MFAP3: variants seen among roughly 807,000 people sequenced by gnomAD.
MFAP3 encodes microfibril associated protein 3.
In MFAP3, 8 loss-of-function variants were observed where a neutral mutation model predicts 20.5. The ratio of observed to expected loss-of-function variants is 0.39; its 90% confidence interval spans 0.23 to 0.70. The LOEUF (loss-of-function observed/expected upper bound fraction) is 0.70, where lower values mean the gene tolerates loss of function less well. Among genes scored for constraint, MFAP3 ranks in the 30% least tolerant of loss-of-function variants. MFAP3 has a pLI of 0.44. For missense variants in MFAP3, 398 were observed against 444.6 expected (o/e 0.90, Z 0.94); for synonymous variants, 140 against 154.0 (o/e 0.91, Z 0.67).
At chr5:154,040,024 G>A (rs1481873819) in intron 1 of MFAP3, among the ~76,000 whole-genome samples, 1 of 152,076 alleles carries the variant, frequency 6.6e-6, no homozygotes, top group Non-Finnish European at 1.5e-5. Flanking sequence ...AATATAAAAT[G>A]GATCATTTCC....
intron 1 of MFAP3, among the ~76,000 whole-genome samples, chr5:154,042,371 C>G (rs1426365962): frequency 1.3e-5 from 2 of 152,166 alleles, no homozygotes; most frequent in Non-Finnish European, 2.9e-5. Context: ...CTGATAAATA[C>G]AGACGATGTT....
chr5:154,045,374 A>G (rs1205692251), intron 1 of MFAP3, among the ~76,000 whole-genome samples: 4 of 152,168 alleles, frequency 2.6e-5, no homozygotes, highest in East Asian at 1.9e-4. Flanking sequence ...TACAATGCCT[A>G]TATGCTCCAT....
chr5:154,053,932 T>C lies in MFAP3; in HGVS notation c.*219T>C, dbSNP rs1773268549. On this transcript the variant is annotated 3_prime_UTR_variant, in exon 3 of 3. Coordinates refer to ENST00000522782, the MANE Select transcript of MFAP3 (RefSeq NM_005927.5). Reference sequence around the variant, plus strand: ...TTTTCCTTAGAGCTTTATTAAATTATGCATGCTAAGATTTAAAGGAGCCCC... The same window carrying C: ...TTTTCCTTAGAGCTTTATTAAATTACGCATGCTAAGATTTAAAGGAGCCCC... 1 of 507,228 alleles carries C rather than the reference T, an allele frequency of 2.0e-6. No individual in the cohort carries two copies. Among genetic ancestry groups the C allele is most frequent in the Admixed American group, 3.5e-5 (1 of 28,208 alleles). 31.4% of individuals were successfully genotyped at this position (507,228 alleles called of 1,614,324 possible).
intron 1 of MFAP3, among the ~76,000 whole-genome samples, chr5:154,045,356 GCT>G (rs1773051969): frequency 6.6e-6 from 1 of 152,100 alleles, no homozygotes; most frequent in Non-Finnish European, 1.5e-5. Flanking sequence ...TGGGATCCAA[GCT>G]CAGTTTACAA....
At chr5:154,050,603 T>A (rs1175808248) in intron 2 of MFAP3, among the ~76,000 whole-genome samples, 1 of 138,326 alleles carries the variant, frequency 7.2e-6, no homozygotes, top group Non-Finnish European at 1.5e-5. Context: ...TGTAAGCCCT[T>A]CCAGCTCTTT....
intron 1 of MFAP3, among the ~76,000 whole-genome samples, chr5:154,048,706 CTCT>C (rs1773116309): frequency 6.6e-6 from 1 of 152,076 alleles, no homozygotes; most frequent in African/African-American, 2.4e-5. Flanking sequence ...AGATATTTTG[CTCT>C]TCTTTTAAAT....
chr5:154,043,697 G>A (rs1448576485), intron 1 of MFAP3, among the ~76,000 whole-genome samples: 1 of 151,552 alleles, frequency 6.6e-6, no homozygotes, highest in Non-Finnish European at 1.5e-5. Flanking sequence ...GGTTTCAAAT[G>A]TCAGCTGCTA....
chr5:154,047,736 G>C (rs816035), intron 1 of MFAP3, among the ~76,000 whole-genome samples: 64,699 of 152,030 alleles, frequency 0.43, 14,458 homozygotes, highest in East Asian at 0.69. Context: ...ACGATAATTT[G>C]GTTCATGGAT....
rs368265553 is a variant in MFAP3 at position 154,051,947 on chromosome 5, A to C, written c.296-973A>C. On this transcript the variant is annotated intron_variant, in intron 2 of 2. Transcript: ENST00000522782. ...GGAATGCATCCCCACACTGCAGGTT[A>C]GCCCATCCTTCCCATCTCTGAATGG... 3.3e-5 allele frequency: 5 copies of C among 152,270 alleles called. No individual in the cohort carries two copies. The East Asian group carries it at 5.8e-4, about 18-fold the overall frequency. 9.4% of individuals were successfully genotyped at this position (152,270 alleles called of 1,614,324 possible).
Position 154,054,978 on chromosome 5 carries a change from A to G in MFAP3, c.*1265A>G, listed in dbSNP as rs1231203796. ...CTGATCTAGACATCAAGAGGAAGAA[A>G]AATGATGGATGATGCCACCTGCTTC... On this transcript the variant is annotated 3_prime_UTR_variant, in exon 3 of 3. Coordinates refer to ENST00000522782, the MANE Select transcript of MFAP3 (RefSeq NM_005927.5). 1 of 167,028 alleles carries G rather than the reference A, an allele frequency of 6.0e-6. No homozygotes were observed. The highest frequency in any genetic ancestry group is 1.5e-5 in the Non-Finnish European group (1 of 68,114). The allele number at this position is 167,028 out of a possible 1,614,324, so 10.3% of individuals were successfully genotyped here.
intron 2 of MFAP3, among the ~76,000 whole-genome samples, chr5:154,050,933 T>A (rs1326649528): frequency 2.0e-5 from 3 of 152,034 alleles, no homozygotes; most frequent in Non-Finnish European, 4.4e-5. Flanking sequence ...CTTTCAGAAA[T>A]TTTTTTGTTA....
At position 154,056,210 on chromosome 5, in the gene MFAP3, C is replaced by T. The variant is rs574809702; in HGVS notation, c.*2497C>T. ...TATAGTAACTAAATGCATGCTACTCCGTTGTATCCTAGTTATTTTAGAAAC... is the reference window on the plus strand; with the variant it reads ...TATAGTAACTAAATGCATGCTACTCTGTTGTATCCTAGTTATTTTAGAAAC... On this transcript the variant is annotated 3_prime_UTR_variant, in exon 3 of 3. Transcript: ENST00000522782. Among the ~76,000 whole-genome samples the T allele has an allele frequency of 3.3e-5, 5 of 152,274 alleles. No homozygotes were observed. The East Asian group carries it at 5.8e-4, about 18-fold the overall frequency.
At chr5:154,041,729 C>T (rs1772956744) in intron 1 of MFAP3, among the ~76,000 whole-genome samples, 1 of 152,080 alleles carries the variant, frequency 6.6e-6, no homozygotes, top group African/African-American at 2.4e-5. Context: ...TTGGATACAT[C>T]ATAGAGGTAA....
intron 1 of MFAP3, among the ~76,000 whole-genome samples, chr5:154,043,456 T>C (rs845705): frequency 0.65 from 98,801 of 151,690 alleles, 32,543 homozygotes; most frequent in East Asian, 0.88. Context: ...GAGGCTGAGG[T>C]GGGAGAATCG....
Position 154,053,474 on chromosome 5 carries a change from T to C in MFAP3, c.850T>C (p.Tyr284His). ...RPALNAQGGI[Y>H]VINPEMGRSN... ...TGCCTTGAATGCTCAAGGTGGCATCTATGTCATTAACCCAGAGATGGGACG... is the reference window on the plus strand; with the variant it reads ...TGCCTTGAATGCTCAAGGTGGCATCCATGTCATTAACCCAGAGATGGGACG... The change falls in exon 3 of 3, where the codon TAT becomes CAT. Residue 284 changes from tyrosine (Y) to histidine (H), a missense_variant. Tyr to His is a moderately conservative substitution (Grantham distance 83). Transcript: ENST00000522782. The C allele has an allele frequency of 6.2e-7, 1 of 1,613,906 alleles. No homozygotes were observed. Among genetic ancestry groups the C allele is most frequent in the Non-Finnish European group, 8.5e-7 (1 of 1,179,952 alleles).
intron 1 of MFAP3, among the ~76,000 whole-genome samples, chr5:154,044,029 A>G (rs1345711182): frequency 6.6e-6 from 1 of 152,226 alleles, no homozygotes; most frequent in Non-Finnish European, 1.5e-5. Flanking sequence ...CATTCACAAT[A>G]TAATTACATT....
chr5:154,053,492 A>G lies in MFAP3; in HGVS notation c.868A>G (p.Met290Val). ...QGGIYVINPE[M>V]GRSNSPGGDS... Reference sequence around the variant, plus strand: ...TGGCATCTATGTCATTAACCCAGAGATGGGACGGAGTAATTCACCAGGAGG... The same window carrying G: ...TGGCATCTATGTCATTAACCCAGAGGTGGGACGGAGTAATTCACCAGGAGG... Residue 290 changes from methionine to valine, a missense_variant, in exon 3 of 3, where the codon ATG becomes GTG. Met to Val is a conservative substitution (Grantham distance 21, BLOSUM62 1). Transcript: ENST00000522782. The G allele has an allele frequency of 1.2e-6, 2 of 1,613,830 alleles. No individual in the cohort carries two copies. The highest frequency in any genetic ancestry group is 2.2e-5 in the South Asian group (2 of 91,074).
rs774143509 is a variant in MFAP3 at position 154,049,906 on chromosome 5, A to G, written c.184A>G (p.Ile62Val). Residue 62 changes from isoleucine to valine, a missense_variant, in exon 2 of 3, where the codon ATA (isoleucine) becomes GTA (valine). Ile to Val is a conservative substitution (Grantham distance 29, BLOSUM62 3). Coordinates refer to ENST00000522782, the MANE Select transcript of MFAP3 (RefSeq NM_005927.5). Reference protein sequence around the residue: ...ASSHSDDDVIIAKEGTSVSIE... With the variant: ...ASSHSDDDVIVAKEGTSVSIE... ...TTCCCACTCGGATGATGATGTCATC[A>G]TAGCCAAAGAGGGAACTAGCGTTTC... 3.7e-6 allele frequency: 6 copies of G among 1,613,594 alleles called. No individual in the cohort carries two copies. Among genetic ancestry groups the G allele is most frequent in the Non-Finnish European group, 4.2e-6 (5 of 1,179,730 alleles).
chr5:154,042,712 A>C (rs545133704), intron 1 of MFAP3, among the ~76,000 whole-genome samples: 1 of 152,224 alleles, frequency 6.6e-6, no homozygotes, highest in African/African-American at 2.4e-5. Flanking sequence ...CTGCTGTAGG[A>C]ACTGGTCCGT....
Sources: gnomAD v4.1 joint callset for allele counts (sites outside exome capture counted in the v4.1 genomes callset) on GRCh38, gnomAD v4.1.1 for gene constraint, MANE v1.5 for transcripts, NCBI Gene and HGNC (gene_info 2026-07-23, HGNC 2026-07-21) for gene names.